Variants in FHOD3 observed in about 807,000 individuals in gnomAD.
FHOD3 encodes the protein formin homology 2 domain containing 3.
Under a neutral mutation model 173.0 loss-of-function variants are expected in FHOD3, and 90 were observed. The ratio of observed to expected loss-of-function variants is 0.52; its 90% CI spans 0.44 to 0.62. FHOD3 has a LOEUF of 0.62. FHOD3 is among the 20% of genes least tolerant of loss of function. The pLI is 0.00. For missense variants in FHOD3, 1,945 were observed against 2,034.7 expected (o/e 0.96, Z 0.85); for synonymous variants, 828 against 823.0 (o/e 1.01, Z -0.10).
chr18:36,397,686 G>A (rs536061839), intron 3 of FHOD3, among the ~76,000 whole-genome samples: 1 of 152,248 alleles, frequency 6.6e-6, no homozygotes, highest in South Asian at 2.1e-4. Flanking sequence ...TTAGAATTCA[G>A]TTTACTTTTA....
chr18:36,664,599 T>C (rs1182942280), intron 14 of FHOD3, among the ~76,000 whole-genome samples: 1 of 152,134 alleles, frequency 6.6e-6, no homozygotes. Context: ...GCTGTGGGAC[T>C]GTGGGTCCTC....
intron 3 of FHOD3, among the ~76,000 whole-genome samples, chr18:36,411,340 C>G (rs535731329): frequency 6.6e-6 from 1 of 152,040 alleles, no homozygotes; most frequent in African/African-American, 2.4e-5. Context: ...TCTTTGGGAT[C>G]CGTTGTGAAG....
Position 36,755,310 on chromosome 18 carries a change from A to G in FHOD3, c.4424A>G (p.Asp1475Gly). 1 of 1,541,770 alleles carries G rather than the reference A, an allele frequency of 6.5e-7. No individual in the cohort carries two copies. Among genetic ancestry groups the G allele is most frequent in the South Asian group, 1.2e-5 (1 of 82,904 alleles). Residue 1475 changes from aspartate (D) to glycine (G), a missense_variant and splice_region_variant, in exon 25 of 29, where the codon GAT (aspartate) becomes GGT (glycine). This residue lies in a region of FHOD3 where 354 missense variants were observed against 359.9 expected (regional missense o/e 0.98). Transcript: ENST00000590592. Reference protein sequence around the residue: ...RNKTRGKMITDTDEEEEVESG... With the variant: ...RNKTRGKMITGTDEEEEVESG... ...AAGACCAGAGGGAAGATGATCACCG[A>G]TGTAAGTTTCACACAATCCCTCTCC...
At chr18:36,378,289 A>G (rs191235443) in intron 3 of FHOD3, among the ~76,000 whole-genome samples, 5 of 152,252 alleles carry the variant, frequency 3.3e-5, no homozygotes, top group Admixed American at 2.6e-4. Context: ...CCTCTCCTTT[A>G]TACCCCAAGT....
intron 1 of FHOD3, among the ~76,000 whole-genome samples, chr18:36,306,919 C>G (rs527746631): frequency 1.3e-5 from 2 of 152,270 alleles, no homozygotes; most frequent in African/African-American, 4.8e-5. Context: ...TCATAGTGAC[C>G]AGTTGCCCTC....
At chr18:36,603,827 T>C (rs1471338763) in intron 8 of FHOD3, among the ~76,000 whole-genome samples, 1 of 152,220 alleles carries the variant, frequency 6.6e-6, no homozygotes, top group Non-Finnish European at 1.5e-5. Context: ...AAAATCATTT[T>C]TCCTTGAGGG....
Position 36,760,548 on chromosome 18 carries a change from A to G in FHOD3, c.4450-60A>G, listed in dbSNP as rs954474695. On this transcript the variant is annotated intron_variant, in intron 26 of 28. Coordinates refer to ENST00000590592, the MANE Select transcript of FHOD3 (RefSeq NM_001281740.3). ...CTTTTCCTCAACCACGGGTTTTAGA[A>G]GCTTGAGTTGTCTTTTTGGGGAGTC... 5 of 1,436,158 alleles carry G rather than the reference A, an allele frequency of 3.5e-6. No homozygotes were observed. The African/African-American group carries it at 7.3e-5, about 21-fold the overall frequency. 89.0% of individuals were successfully genotyped at this position (1,436,158 alleles called of 1,614,324 possible).
chr18:36,355,545 G>T lies in FHOD3; in HGVS notation c.172G>T (p.Asp58Tyr). The change falls in exon 2 of 29, where the codon GAC becomes TAC. Residue 58 changes from aspartate (D) to tyrosine (Y), a missense_variant. This residue lies in a region of FHOD3 where 245 missense variants were observed against 267.7 expected (regional missense o/e 0.92). Transcript: ENST00000590592. The part of the protein sequence containing the change: ...RLLQAPHKLD[D>Y]CTLQLSHNGA... ...CAGGCTCTTTCTCTTGCAGCTGGAT[G>T]ACTGTACTCTGCAGCTCTCTCACAA... 1 of 1,614,056 alleles carries T rather than the reference G, an allele frequency of 6.2e-7. No homozygotes were observed. Among genetic ancestry groups the T allele is most frequent in the South Asian group, 1.1e-5 (1 of 91,038 alleles).
chr18:36,765,572 A>G (rs1401893917), intron 27 of FHOD3, among the ~76,000 whole-genome samples: 1 of 152,250 alleles, frequency 6.6e-6, no homozygotes, highest in African/African-American at 2.4e-5. Context: ...AAATGTTAAA[A>G]TAAAAACTAA....
chr18:36,323,485 A>G (rs2044508153), intron 1 of FHOD3, among the ~76,000 whole-genome samples: 1 of 152,066 alleles, frequency 6.6e-6, no homozygotes, highest in Non-Finnish European at 1.5e-5. Context: ...GGATGCCTTT[A>G]CCCACCCCTT....
At chr18:36,597,578 C>T (rs2030661785) in intron 7 of FHOD3, among the ~76,000 whole-genome samples, 1 of 152,108 alleles carries the variant, frequency 6.6e-6, no homozygotes, top group Admixed American at 6.5e-5. Flanking sequence ...AGGTGCCCAC[C>T]ACCATGCCCG....
intron 14 of FHOD3, among the ~76,000 whole-genome samples, chr18:36,670,015 A>G (rs2037425510): frequency 6.6e-6 from 1 of 151,216 alleles, no homozygotes; most frequent in Non-Finnish European, 1.5e-5. Context: ...AAGAATTATA[A>G]GTTGATAGCG....
chr18:36,422,033 C>T (rs2050012297), intron 3 of FHOD3, among the ~76,000 whole-genome samples: 1 of 152,206 alleles, frequency 6.6e-6, no homozygotes, highest in Non-Finnish European at 1.5e-5. Flanking sequence ...GAAAAGGTGG[C>T]ACATTCACAT....
chr18:36,738,267 T>C (rs915371019), intron 20 of FHOD3, among the ~76,000 whole-genome samples: 20 of 152,254 alleles, frequency 1.3e-4, no homozygotes, highest in Admixed American at 7.2e-4. Context: ...TTGGCAGTTA[T>C]GAATAAAGCT....
chr18:36,381,411 C>T (rs1206625760), intron 3 of FHOD3, among the ~76,000 whole-genome samples: 1 of 152,220 alleles, frequency 6.6e-6, no homozygotes, highest in Non-Finnish European at 1.5e-5. Context: ...ATCACTTGGA[C>T]ACTGGTCTCT....
chr18:36,711,081 G>A (rs1436950310), intron 18 of FHOD3: 1 of 152,200 alleles, frequency 6.6e-6, no homozygotes, highest in Non-Finnish European at 1.5e-5. Context: ...AGTGGGCAAT[G>A]TCCAAGTATT....
intron 10 of FHOD3, among the ~76,000 whole-genome samples, chr18:36,647,445 A>G (rs1267619714): frequency 4.6e-5 from 7 of 152,200 alleles, no homozygotes; most frequent in Non-Finnish European, 8.8e-5. Flanking sequence ...GAAATAGACA[A>G]AATTATCAGA....
chr18:36,382,687 C>G (rs2047850631), intron 3 of FHOD3, among the ~76,000 whole-genome samples: 2 of 152,216 alleles, frequency 1.3e-5, no homozygotes. Flanking sequence ...GTCTGGAGAG[C>G]TGTCTCAGAC....
At chr18:36,305,806 C>A (rs1267449737) in intron 1 of FHOD3, among the ~76,000 whole-genome samples, 1 of 152,168 alleles carries the variant, frequency 6.6e-6, no homozygotes, top group Non-Finnish European at 1.5e-5. Flanking sequence ...CCACACACAG[C>A]CTGCAGCCAA....
Sources: gnomAD v4.1 joint callset for allele counts (sites outside exome capture counted in the v4.1 genomes callset) on GRCh38, gnomAD v4.1.1 for gene constraint, gnomAD v4.1.1 regional missense constraint, MANE v1.5 for transcripts, NCBI Gene and HGNC (gene_info 2026-07-23, HGNC 2026-07-21) for gene names.